The following CHCHD3 variants were observed in gnomAD, a reference collection of about 807,000 sequenced individuals.
CHCHD3 encodes the protein coiled-coil-helix-coiled-coil-helix domain containing 3, also known as MICOS complex subunit MIC19.
CHCHD3 carries 20 observed loss-of-function variants against 38.2 expected under a neutral mutation model. The ratio of observed to expected loss-of-function variants is 0.52; its 90% CI spans 0.37 to 0.76. The LOEUF (loss-of-function observed/expected upper bound fraction) is 0.76, where lower values mean the gene tolerates loss of function less well. Ranked by LOEUF, CHCHD3 falls within the 30% of genes least tolerant of loss-of-function variation. The pLI is 0.00. For synonymous variants in CHCHD3, 82 were observed against 100.0 expected (o/e 0.82, Z 1.07); for missense variants, 245 against 279.2 (o/e 0.88, Z 0.87).
At chr7:133,055,084 G>C (rs1814278305) in intron 2 of CHCHD3, among the ~76,000 whole-genome samples, 1 of 151,948 alleles carries the variant, frequency 6.6e-6, no homozygotes, top group Non-Finnish European at 1.5e-5. Flanking sequence ...CAGCTACTTG[G>C]AAGGCTGAGG....
intron 5 of CHCHD3, among the ~76,000 whole-genome samples, chr7:132,854,301 T>C (rs1369530436): frequency 6.6e-6 from 1 of 152,216 alleles, no homozygotes; most frequent in Admixed American, 6.5e-5. Flanking sequence ...AGATTATTCA[T>C]ATAATGGAAT....
At chr7:133,026,954 T>C (rs1374490904) in intron 2 of CHCHD3, among the ~76,000 whole-genome samples, 1 of 152,024 alleles carries the variant, frequency 6.6e-6, no homozygotes, top group Non-Finnish European at 1.5e-5. Context: ...TTTTTTTTTT[T>C]TGAGACTGAG....
At chr7:132,790,109 T>C (rs987690575) in intron 7 of CHCHD3, among the ~76,000 whole-genome samples, 1 of 152,256 alleles carries the variant, frequency 6.6e-6, no homozygotes, top group Admixed American at 6.5e-5. Flanking sequence ...TATGTGTCTA[T>C]TCCCCTGCAG....
chr7:132,970,194 A>G (rs1811578583), intron 4 of CHCHD3, among the ~76,000 whole-genome samples: 1 of 152,108 alleles, frequency 6.6e-6, no homozygotes, highest in Non-Finnish European at 1.5e-5. Context: ...CACGTTTCCA[A>G]GCTTTTGCCT....
At chr7:132,809,905 T>TA (rs961358114) in intron 6 of CHCHD3, among the ~76,000 whole-genome samples, 1 of 152,168 alleles carries the variant, frequency 6.6e-6, no homozygotes, top group South Asian at 2.1e-4. Flanking sequence ...ATAGAGGCTT[T>TA]AAAAAAAGTG....
rs536060512 is a variant in CHCHD3 at position 132,974,983 on chromosome 7, T to A, written c.369+186A>T. Among the ~76,000 whole-genome samples the A allele has an allele frequency of 2.6e-5, 4 of 152,336 alleles. No homozygotes were observed. The South Asian group carries it at 8.3e-4, about 32-fold the overall frequency. ...TTCAATACTTCCAGAGTTACCTGCC[T>A]TTAAAGTCCTTGATGGTTAAACCTA... On this transcript the variant is annotated intron_variant, in intron 4 of 7. Transcript: ENST00000262570.
rs1193367463 is a variant in CHCHD3 at position 132,967,624 on chromosome 7, C to CA, written c.369+7544_369+7545insT. ...TGGGCAACGTGGCAAAATGCTGTTT[C>CA]TTAAATAAATAAATAAATAAATAAA... is the stretch of plus-strand genomic sequence containing the variant. On this transcript the variant is annotated intron_variant, in intron 4 of 7. Transcript: ENST00000262570. Among the ~76,000 whole-genome samples, 9 of 124,472 alleles carry CA rather than the reference C, an allele frequency of 7.2e-5. No homozygotes were observed. In the South Asian group the frequency reaches 7.8e-4, roughly 11 times the overall value. The allele number at this position is 124,472 out of a possible 152,430, so 81.7% of individuals were successfully genotyped here. A position where few individuals can be genotyped will look rare whatever the true frequency, so the allele number is the denominator to read the frequency against.
At chr7:133,002,535 C>T (rs1374147636) in intron 3 of CHCHD3, among the ~76,000 whole-genome samples, 1 of 151,468 alleles carries the variant, frequency 6.6e-6, no homozygotes, top group Non-Finnish European at 1.5e-5. Flanking sequence ...ATTTGTAGTT[C>T]GTAACAGTTT....
intron 4 of CHCHD3, among the ~76,000 whole-genome samples, chr7:132,943,235 A>C (rs570923534): frequency 1.0e-3 from 158 of 152,264 alleles, no homozygotes; most frequent in African/African-American, 3.6e-3. Flanking sequence ...AAAAGAGACT[A>C]ATGTTCGTTT....
intron 2 of CHCHD3, among the ~76,000 whole-genome samples, chr7:133,047,399 G>A (rs946486094): frequency 1.3e-5 from 2 of 152,074 alleles, no homozygotes; most frequent in Admixed American, 1.3e-4. Context: ...TGTCACTCAG[G>A]AAAAGCTACC....
Position 133,082,047 on chromosome 7 carries a change from AGC to A in CHCHD3, c.-112_-111del. ...CTGGATTCTTTTCCCGCACAGCGGG[AGC>A]AAGGCCACGACCCCCAGAAGCAAGG... On this transcript the variant is annotated 5_prime_UTR_variant, in exon 1 of 8. Coordinates refer to ENST00000262570, the MANE Select transcript of CHCHD3 (RefSeq NM_017812.4). 4 of 1,023,984 alleles carry A rather than the reference AGC, an allele frequency of 3.9e-6. No homozygotes were observed. Among genetic ancestry groups the A allele is most frequent in the Middle Eastern group, 3.3e-4 (1 of 3,018 alleles). The allele number at this position is 1,023,984 out of a possible 1,614,324, so 63.4% of individuals were successfully genotyped here.
intron 4 of CHCHD3, among the ~76,000 whole-genome samples, chr7:132,900,230 C>CA (rs6150357): frequency 3.3e-5 from 5 of 150,996 alleles, no homozygotes; most frequent in South Asian, 2.1e-4. Flanking sequence ...TGCTGCTAAC[C>CA]AATAATCAGG....
chr7:133,026,243 AAAG>A (rs1268520321), intron 2 of CHCHD3, among the ~76,000 whole-genome samples: 1 of 152,238 alleles, frequency 6.6e-6, no homozygotes, highest in African/African-American at 2.4e-5. Context: ...GTATTTCTCC[AAAG>A]AAGATATACA....
At chr7:133,005,924 G>C (rs13233438) in intron 3 of CHCHD3, among the ~76,000 whole-genome samples, 67,623 of 152,020 alleles carry the variant, frequency 0.44, 15,313 homozygotes, top group East Asian at 0.55. Context: ...GGCAATTAGA[G>C]TATTCCCAGC....
chr7:133,034,455 TA>T (rs1344718882), intron 2 of CHCHD3, among the ~76,000 whole-genome samples: 3 of 147,776 alleles, frequency 2.0e-5, no homozygotes, highest in South Asian at 2.1e-4. Context: ...ATGATACTTT[TA>T]AAAAAATGCA....
At chr7:133,075,083 C>T (rs1814940396) in intron 1 of CHCHD3, among the ~76,000 whole-genome samples, 1 of 152,208 alleles carries the variant, frequency 6.6e-6, no homozygotes, top group Non-Finnish European at 1.5e-5. Flanking sequence ...TTATTTTTCT[C>T]TATCTATGCT....
intron 3 of CHCHD3, among the ~76,000 whole-genome samples, chr7:133,017,423 C>T (rs1584646054): frequency 6.6e-6 from 1 of 152,276 alleles, no homozygotes. Context: ...TGACTGAGTA[C>T]ATTAAAACTC....
In CHCHD3 at chr7:132,904,595, G is replaced by A. The variant is rs151187562; in HGVS notation, c.370-18850C>T. Among the ~76,000 whole-genome samples, 991 of 152,246 alleles carry A rather than the reference G, an allele frequency of 6.5e-3. 11 individuals carry two copies. Among genetic ancestry groups the A allele is most frequent in the African/African-American group, 0.022 (918 of 41,536 alleles). ...TCATTAAAAAGTCAGGAAACAACAG[G>A]TGCTGGAGAGGATGTGGAGAAATAG... On this transcript the variant is annotated intron_variant, in intron 4 of 7. Transcript: ENST00000262570.
At chr7:132,885,628 T>G (rs765171300) in intron 5 of CHCHD3, 34 bp downstream of exon 5, 21 of 1,433,780 alleles carry the variant, frequency 1.5e-5, no homozygotes, top group Non-Finnish European at 2.0e-5. Context: ...ACAGCAGATG[T>G]GGTAATAGAA....
Sources: allele counts gnomAD v4.1 joint callset (sites outside exome capture counted in the v4.1 genomes callset), GRCh38; gene constraint gnomAD v4.1.1; transcripts MANE v1.5; gene names NCBI Gene and HGNC (gene_info 2026-07-23, HGNC 2026-07-21).